ZNF512B: variants seen among roughly 807,000 people sequenced by gnomAD.
ZNF512B encodes zinc finger protein 512B.
A neutral mutation model predicts 87.8 loss-of-function variants in ZNF512B; 22 were observed. That is an observed-to-expected ratio of 0.25 (90% CI 0.18 to 0.36). ZNF512B has a LOEUF of 0.36. Among genes scored for constraint, ZNF512B ranks in the 10% least tolerant of loss-of-function variants. The pLI, the probability that ZNF512B is intolerant of heterozygous loss-of-function variation, is 1.00. For missense variants in ZNF512B, 1,060 were observed against 1,231.6 expected (o/e 0.86, Z 2.09); for synonymous variants, 524 against 490.9 (o/e 1.07, Z -0.89).
At position 63,966,215 on chromosome 20, in the gene ZNF512B, G is replaced by A; in HGVS notation, c.960C>T (p.Pro320=). The change falls in exon 5 of 17, where the codon CCC becomes CCT. Residue 320 remains proline (P), a synonymous_variant. Transcript: ENST00000369888. ...RPIAISRHTP[P]CKMVLLTRSE... Reference sequence around the variant, plus strand: ...ACCTGGTCAGCAGCACCATTTTGCAGGGCGGTGTGTGTCTGCTGATAGCAA... The same window carrying A: ...ACCTGGTCAGCAGCACCATTTTGCAAGGCGGTGTGTGTCTGCTGATAGCAA... 6.2e-7 allele frequency: 1 copy of A among 1,613,960 alleles called. No individual in the cohort carries two copies. Among genetic ancestry groups the A allele is most frequent in the African/African-American group, 1.3e-5 (1 of 75,066 alleles).
Position 63,964,567 on chromosome 20 carries a change from G to A in ZNF512B, c.1184C>T (p.Pro395Leu), listed in dbSNP as rs201404562. ...CTTCAGTGCCTCCATGCCCCCTGACGGCCTGCTGCCTGGCGACAAGGAGCC... is the reference window on the plus strand; with the variant it reads ...CTTCAGTGCCTCCATGCCCCCTGACAGCCTGCTGCCTGGCGACAAGGAGCC... ...SSGSLSPGSR[P>L]SGGMEALKAA... The change falls in exon 6 of 17, where the codon CCG becomes CTG. Residue 395 changes from proline (P) to leucine (L), a missense_variant. Around this residue, in one of 9 missense-constraint regions of ZNF512B, gnomAD observed 212 missense variants for 207.6 expected, o/e 1.02. Transcript: ENST00000369888. 152 of 1,613,096 alleles carry A rather than the reference G, an allele frequency of 9.4e-5. No homozygotes were observed. In the South Asian group the frequency reaches 1.3e-3, roughly 14 times the overall value.
intron 13 of ZNF512B, 23 bp from the exon 14 acceptor site, chr20:63,962,397 G>A: frequency 6.2e-7 from 1 of 1,602,374 alleles, no homozygotes; most frequent in Non-Finnish European, 8.5e-7. Flanking sequence ...CAGCACCAGG[G>A]TGAGCCTGAG....
At position 63,960,011 on chromosome 20, in the gene ZNF512B, G is replaced by A. The variant is rs1343122856; in HGVS notation, c.2556C>T (p.Thr852=). The change falls in exon 17 of 17, where the codon ACC becomes ACT. Residue 852 remains threonine (T), a synonymous_variant. Transcript: ENST00000369888. The part of the protein sequence containing the change: ...KKRGRKPKER[T]PEEPVAKLPP... ...GCAGCTTGGCCACAGGCTCCTCTGG[G>A]GTCCGCTCCTTGGGCTTTCGGCCCC... 4 of 1,613,368 alleles carry A rather than the reference G, an allele frequency of 2.5e-6. No homozygotes were observed. Among genetic ancestry groups the A allele is most frequent in the Admixed American group, 3.3e-5 (2 of 60,010 alleles).
chr20:63,962,851 G>A lies in ZNF512B; in HGVS notation c.1969-70C>T, dbSNP rs2058870472. ...AAGAGTCAGGTCAGCGCGCGGCGAG[G>A]CCACCCTAAGGCCGGTGGACCCACA... On this transcript the variant is annotated intron_variant, in intron 12 of 16. Transcript: ENST00000369888. The A allele has an allele frequency of 2.8e-6, 4 of 1,444,636 alleles. No homozygotes were observed. In the South Asian group the frequency reaches 5.4e-5, roughly 20 times the overall value. The allele number at this position is 1,444,636 out of a possible 1,614,324, so 89.5% of individuals were successfully genotyped here. A position where few individuals can be genotyped will look rare whatever the true frequency, so the allele number is the denominator to read the frequency against.
At position 63,963,871 on chromosome 20, in the gene ZNF512B, C is replaced by T; in HGVS notation, c.1523G>A (p.Gly508Glu). Reference sequence around the variant, plus strand: ...GTTGCAGGTGGGGCAGACGGCTTCCCCGCGCTCATGGATGGCCCTCTGCCA... The same window carrying T: ...GTTGCAGGTGGGGCAGACGGCTTCCTCGCGCTCATGGATGGCCCTCTGCCA... ...EQWQRAIHER[G>E]EAVCPTCNVV... The change falls in exon 9 of 17, where the codon GGG becomes GAG. Residue 508 changes from glycine to glutamate, a missense_variant. Gly to Glu is a moderately conservative substitution (Grantham distance 98). This residue lies in a region of ZNF512B where 212 missense variants were observed against 207.6 expected (regional missense o/e 1.02). Coordinates refer to ENST00000369888, the MANE Select transcript of ZNF512B (RefSeq NM_020713.3). The T allele has an allele frequency of 6.2e-7, 1 of 1,612,464 alleles. No homozygotes were observed. Among genetic ancestry groups the T allele is most frequent in the African/African-American group, 1.3e-5 (1 of 75,074 alleles).
intron 4 of ZNF512B, 33 bp from the exon 5 acceptor site, chr20:63,966,814 C>T (rs777411199): frequency 6.2e-7 from 1 of 1,607,342 alleles, no homozygotes; most frequent in East Asian, 2.2e-5. Flanking sequence ...GGGACAGGGC[C>T]CCAAGGGCCT....
intron 3 of ZNF512B, 71 bp downstream of exon 3, chr20:63,967,310 A>T: frequency 6.6e-7 from 1 of 1,523,600 alleles, no homozygotes; most frequent in Non-Finnish European, 8.8e-7. Flanking sequence ...GCAGAGGACA[A>T]ATCAGGGCAG....
chr20:63,962,852 C>A, intron 12 of ZNF512B, 71 bp from the exon 13 acceptor site: 1 of 1,443,680 alleles, frequency 6.9e-7, no homozygotes, highest in Non-Finnish European at 9.2e-7. Context: ...CGCGGCGAGG[C>A]CACCCTAAGG....
chr20:63,966,680 G>A lies in ZNF512B; in HGVS notation c.495C>T (p.Asp165=). ...LEKHRIWNHM[D]RPLPASKPGP... is the part of the protein sequence containing the mutation. ...CAGGCTTGGAGGCAGGCAGGGGTCG[G>A]TCCATGTGGTTCCAGATCCGGTGTT... Residue 165 remains aspartate (D), a synonymous_variant, in exon 5 of 17, where the codon GAC becomes GAT. Transcript: ENST00000369888. 6.2e-7 allele frequency: 1 copy of A among 1,612,806 alleles called. No homozygotes were observed. Among genetic ancestry groups the A allele is most frequent in the Non-Finnish European group, 8.5e-7 (1 of 1,179,824 alleles).
rs764420267 is a variant in ZNF512B, at chr20:63,963,272, G to T, written c.1798-7C>A. 6.5e-7 allele frequency: 1 copy of T among 1,543,230 alleles called. No homozygotes were observed. Among genetic ancestry groups the T allele is most frequent in the Non-Finnish European group, 8.7e-7 (1 of 1,148,062 alleles). ...AGAAGGCAGCCCCGCAACCCTGGGG[G>T]TCAGGCCAGAGGGTGGGTGAGTGGC... On this transcript the variant is annotated splice_polypyrimidine_tract_variant and splice_region_variant and intron_variant, in intron 11 of 16. Coordinates refer to ENST00000369888, the MANE Select transcript of ZNF512B (RefSeq NM_020713.3).
chr20:63,963,874 C>A lies in ZNF512B; in HGVS notation c.1520G>T (p.Arg507Leu). The A allele has an allele frequency of 6.2e-7, 1 of 1,612,332 alleles. No homozygotes were observed. Among genetic ancestry groups the A allele is most frequent in the Non-Finnish European group, 8.5e-7 (1 of 1,180,024 alleles). The change falls in exon 9 of 17, where the codon CGC (arginine) becomes CTC (leucine). Residue 507 changes from arginine (R) to leucine (L), a missense_variant. Physicochemically the swap from Arg to Leu is moderately radical, Grantham distance 102. Transcript: ENST00000369888. The stretch of plus-strand genomic sequence containing the variant: ...GCAGGTGGGGCAGACGGCTTCCCCG[C>A]GCTCATGGATGGCCCTCTGCCACTG... The part of the protein sequence containing the change: ...EEQWQRAIHE[R>L]GEAVCPTCNV...
chr20:63,961,422 C>T lies in ZNF512B; in HGVS notation c.2329-15G>A, dbSNP rs754732463. 1 of 1,608,546 alleles carries T rather than the reference C, an allele frequency of 6.2e-7. No homozygotes were observed. The highest frequency in any genetic ancestry group is 1.1e-5 in the South Asian group (1 of 91,068). ...AGGTGGGCCCCCTGCAATGCATAGG[C>T]AGGCCAGTGCCCCAGCCCTTGGAGG... On this transcript the variant is annotated splice_polypyrimidine_tract_variant and intron_variant, in intron 15 of 16. Coordinates refer to ENST00000369888, the MANE Select transcript of ZNF512B (RefSeq NM_020713.3). This position sits in a 1 kb window ranked among gnomAD's most constrained non-coding sequence, Gnocchi z 6.4.
In ZNF512B at chr20:63,961,807, C is replaced by T. The variant is rs553490580; in HGVS notation, c.2328+135G>A. 3.5e-5 allele frequency: 32 copies of T among 908,842 alleles called. No individual in the cohort carries two copies. The highest frequency in any genetic ancestry group is 3.4e-4 in the East Asian group (13 of 37,772). 56.3% of individuals were successfully genotyped at this position (908,842 alleles called of 1,614,324 possible). ...TCAGCCACCGGCCAGTCTCTGGGTT[C>T]GTGGAAGAGGAGGCCACGTAGAAAA... On this transcript the variant is annotated intron_variant, in intron 15 of 16. Coordinates refer to ENST00000369888, the MANE Select transcript of ZNF512B (RefSeq NM_020713.3). The surrounding 1 kb of genome is among the most constrained non-coding windows in gnomAD (Gnocchi z 6.4).
In ZNF512B at chr20:63,959,873, C is replaced by T; in HGVS notation, c.*15G>A. On this transcript the variant is annotated 3_prime_UTR_variant, in exon 17 of 17. Transcript: ENST00000369888. ...GTGTGGCGGCTGCATGGGGGCCAGGCCCCACGCACCATGCTCACTTTTCAG... is the reference window on the plus strand; with the variant it reads ...GTGTGGCGGCTGCATGGGGGCCAGGTCCCACGCACCATGCTCACTTTTCAG... 6.4e-7 allele frequency: 1 copy of T among 1,552,992 alleles called. No homozygotes were observed. The highest frequency in any genetic ancestry group is 8.6e-7 in the Non-Finnish European group (1 of 1,157,076).
intron 16 of ZNF512B, among the ~76,000 whole-genome samples, chr20:63,960,808 G>C (rs1439958934): frequency 2.7e-5 from 4 of 146,960 alleles, no homozygotes; most frequent in Non-Finnish European, 4.5e-5. Context: ...CTGCAGCAGG[G>C]CTGGACACAG....
chr20:63,961,803 G>T lies in ZNF512B; in HGVS notation c.2328+139C>A. 2.3e-6 allele frequency: 2 copies of T among 880,184 alleles called. No homozygotes were observed. Among genetic ancestry groups the T allele is most frequent in the Non-Finnish European group, 3.5e-6 (2 of 566,108 alleles). 54.5% of individuals were successfully genotyped at this position (880,184 alleles called of 1,614,324 possible). A position where few individuals can be genotyped will look rare whatever the true frequency, so the allele number is the denominator to read the frequency against. ...GCCATCAGCCACCGGCCAGTCTCTGGGTTCGTGGAAGAGGAGGCCACGTAG... is the reference window on the plus strand; with the variant it reads ...GCCATCAGCCACCGGCCAGTCTCTGTGTTCGTGGAAGAGGAGGCCACGTAG... On this transcript the variant is annotated intron_variant, in intron 15 of 16. Coordinates refer to ENST00000369888, the MANE Select transcript of ZNF512B (RefSeq NM_020713.3). The surrounding 1 kb of genome is among the most constrained non-coding windows in gnomAD (Gnocchi z 6.4).
chr20:63,961,750 G>A lies in ZNF512B; in HGVS notation c.2328+192C>T, dbSNP rs1200954172. Among the ~76,000 whole-genome samples the A allele has an allele frequency of 1.3e-5, 2 of 152,170 alleles. No homozygotes were observed. Among genetic ancestry groups the A allele is most frequent in the South Asian group, 2.1e-4 (1 of 4,826 alleles). On this transcript the variant is annotated intron_variant, in intron 15 of 16. Coordinates refer to ENST00000369888, the MANE Select transcript of ZNF512B (RefSeq NM_020713.3). The surrounding 1 kb of genome is among the most constrained non-coding windows in gnomAD (Gnocchi z 6.4). Reference sequence around the variant, plus strand: ...TAGGACTCGTTGTCTTGTGGCTGGGGTTGGGGCGAGGGAGGTGTCCTAGGC... The same window carrying A: ...TAGGACTCGTTGTCTTGTGGCTGGGATTGGGGCGAGGGAGGTGTCCTAGGC...
At chr20:63,969,793 G>A (rs1360170617) in intron 1 of ZNF512B, 21 bp downstream of exon 1, 1 of 140,972 alleles carries the variant, frequency 7.1e-6, no homozygotes, top group Non-Finnish European at 1.6e-5. Context: ...GAATGGGTCC[G>A]GGGCGCGGCC....
rs1218684056 is a variant in ZNF512B, at chr20:63,967,526, G to GCAGCACA, written c.122-10_122-4dup. On this transcript the variant is annotated splice_polypyrimidine_tract_variant and splice_region_variant and intron_variant, in intron 2 of 16. Coordinates refer to ENST00000369888, the MANE Select transcript of ZNF512B (RefSeq NM_020713.3). ...TCCACCACGGACCACCGGCATCCCT[G>GCAGCACA]CAGCACACAACACAGCAAGGCTCGG... 1 of 1,597,240 alleles carries GCAGCACA rather than the reference G, an allele frequency of 6.3e-7. No individual in the cohort carries two copies. The highest frequency in any genetic ancestry group is 8.5e-7 in the Non-Finnish European group (1 of 1,170,826).
Sources: allele counts gnomAD v4.1 joint callset (sites outside exome capture counted in the v4.1 genomes callset), GRCh38; gene constraint gnomAD v4.1.1; regional missense constraint gnomAD v4.1.1; non-coding constraint Gnocchi (gnomAD v3.1); transcripts MANE v1.5; gene names NCBI Gene and HGNC (gene_info 2026-07-23, HGNC 2026-07-21).